The following CDK12 variants were observed in gnomAD, a reference collection of about 807,000 sequenced individuals.
CDK12 encodes the protein cyclin dependent kinase 12, also known as cyclin-dependent kinase 12.
Under a neutral mutation model 133.8 loss-of-function variants are expected in CDK12, and 17 were observed. That is an observed-to-expected ratio of 0.13 (90% CI 0.09 to 0.19). The LOEUF (loss-of-function observed/expected upper bound fraction) is 0.19, where lower values mean the gene tolerates loss of function less well. Among genes scored for constraint, CDK12 ranks in the 10% least tolerant of loss-of-function variants. The pLI is 1.00. For missense variants in CDK12, 1,508 were observed against 1,818.7 expected, an observed-to-expected ratio of 0.83 and a Z score of 3.11; for synonymous variants, 694 against 683.6, an observed-to-expected ratio of 1.02 and a Z score of -0.24.
chr17:39,564,630 T>A (rs1310337139), intron 3 of CDK12: 1 of 152,230 alleles, frequency 6.6e-6, no homozygotes, highest in Non-Finnish European at 1.5e-5. Context: ...ACCTGTTGCT[T>A]AGCAACCACT....
chr17:39,478,800 G>A (rs2050409956), intron 2 of CDK12, among the ~76,000 whole-genome samples: 1 of 152,068 alleles, frequency 6.6e-6, no homozygotes, highest in South Asian at 2.1e-4. Flanking sequence ...ACTCTAGCCT[G>A]GATAACAGTG....
intron 2 of CDK12, among the ~76,000 whole-genome samples, chr17:39,554,603 G>A (rs1033692446): frequency 2.0e-5 from 3 of 152,128 alleles, no homozygotes; most frequent in Non-Finnish European, 4.4e-5. Flanking sequence ...TAGGATAGCC[G>A]GGCACGGCAA....
At chr17:39,522,704 G>A (rs1039725896) in intron 11 of CDK12, among the ~76,000 whole-genome samples, 1 of 152,104 alleles carries the variant, frequency 6.6e-6, no homozygotes, top group African/African-American at 2.4e-5. Context: ...AAAGTGCTGT[G>A]ATTATAGGCG....
At position 39,482,599 on chromosome 17, in the gene CDK12, A is replaced by ATT. The variant is rs71147345; in HGVS notation, c.1932-7938_1932-7937dup. On this transcript the variant is annotated intron_variant, in intron 2 of 13. Transcript: ENST00000447079. ...GCTGCCAAAGTGAACAATCAACTAC[A>ATT]TTTTTTTTTTTTTTTTTTTTTGAGG... Among the ~76,000 whole-genome samples the ATT allele has an allele frequency of 2.7e-4, 20 of 74,416 alleles. 1 individual carries two copies. Among genetic ancestry groups the ATT allele is most frequent in the East Asian group, 1.5e-3 (3 of 2,018 alleles). The allele number at this position is 74,416 out of a possible 152,430, so 48.8% of individuals were successfully genotyped here.
At chr17:39,515,676 C>T in intron 8 of CDK12, 55 bp from the exon 9 acceptor site, 1 of 1,246,220 alleles carries the variant, frequency 8.0e-7, no homozygotes, top group Non-Finnish European at 1.2e-6. Context: ...TTTTGAGACA[C>T]TTTAAATAGG....
chr17:39,508,469 A>G (rs1001269082), intron 6 of CDK12, among the ~76,000 whole-genome samples: 4 of 152,182 alleles, frequency 2.6e-5, no homozygotes, highest in African/African-American at 4.8e-5. Flanking sequence ...CAATAAATAA[A>G]TAGTTTTAAA....
At chr17:39,535,595 T>A (rs2055097238), downstream of CDK12, among the ~76,000 whole-genome samples, 1 of 152,190 alleles carries the variant, frequency 6.6e-6, no homozygotes, top group Admixed American at 6.5e-5. Flanking sequence ...GTCTTTTCAA[T>A]TCTGGGCCTA....
At chr17:39,469,089 G>A (rs1416936590) in intron 1 of CDK12, among the ~76,000 whole-genome samples, 1 of 152,168 alleles carries the variant, frequency 6.6e-6, no homozygotes, top group Non-Finnish European at 1.5e-5. Context: ...GCCTCCCGAA[G>A]TGCTGGGATT....
At chr17:39,529,927 A>C (rs2054724692) in intron 13 of CDK12, 1 of 152,194 alleles carries the variant, frequency 6.6e-6, no homozygotes, top group South Asian at 2.1e-4. Context: ...ATTATGATAG[A>C]AATTAGTCTT....
rs1463424169 is a variant in CDK12, at chr17:39,533,453, A to G, written c.*2137A>G. 4.3e-6 allele frequency: 1 copy of G among 233,104 alleles called. No homozygotes were observed. The highest frequency in any genetic ancestry group is 8.5e-6 in the Non-Finnish European group (1 of 117,948). The allele number at this position is 233,104 out of a possible 1,614,324, so 14.4% of individuals were successfully genotyped here. On this transcript the variant is annotated 3_prime_UTR_variant, in exon 14 of 14. Coordinates refer to ENST00000447079, the MANE Select transcript of CDK12 (RefSeq NM_016507.4). ...GGCCCCACTCCCTGTTTTTTATTAA[A>G]GAACGTGAGCCTGGGATACTTTCAG...
chr17:39,518,142 C>A (rs554359508), intron 10 of CDK12, among the ~76,000 whole-genome samples: 1 of 152,042 alleles, frequency 6.6e-6, no homozygotes, highest in Non-Finnish European at 1.5e-5. Context: ...CTGCACCCAG[C>A]TAATTTTTGT....
rs71147345 is a variant in CDK12 at position 39,482,599 on chromosome 17, A to ATTTTTT, written c.1932-7942_1932-7937dup. The stretch of plus-strand genomic sequence containing the variant: ...GCTGCCAAAGTGAACAATCAACTAC[A>ATTTTTT]TTTTTTTTTTTTTTTTTTTTTGAGG... On this transcript the variant is annotated intron_variant, in intron 2 of 13. Transcript: ENST00000447079. Among the ~76,000 whole-genome samples, 13 of 74,422 alleles carry ATTTTTT rather than the reference A, an allele frequency of 1.7e-4. 2 individuals are homozygous for ATTTTTT. The highest frequency in any genetic ancestry group is 2.1e-4 in the African/African-American group (5 of 23,486). The allele number at this position is 74,422 out of a possible 152,430, so 48.8% of individuals were successfully genotyped here. A position where few individuals can be genotyped will look rare whatever the true frequency, so the allele number is the denominator to read the frequency against.
upstream of CDK12, chr17:39,546,326 C>T (rs1326196526): frequency 1.3e-5 from 2 of 149,902 alleles, no homozygotes; most frequent in African/African-American, 2.5e-5. Context: ...ATTACAGGCG[C>T]CCCCCCACCA....
Position 39,467,296 on chromosome 17 carries a change from G to A in CDK12, c.1047-3583G>A, listed in dbSNP as rs191271017. ...CCGGCGAAACAACCTAATTTTAAAA[G>A]ACTGAAAATGCTTTGGCAGAAATGC... On this transcript the variant is annotated intron_variant, in intron 1 of 13. Coordinates refer to ENST00000447079, the MANE Select transcript of CDK12 (RefSeq NM_016507.4). Among the ~76,000 whole-genome samples, 364 of 152,206 alleles carry A rather than the reference G, an allele frequency of 2.4e-3. 8 individuals are homozygous for A. The highest frequency in any genetic ancestry group is 4.7e-4 in the Non-Finnish European group (32 of 68,014).
chr17:39,486,712 T>A (rs1567714972), intron 2 of CDK12, among the ~76,000 whole-genome samples: 1 of 152,002 alleles, frequency 6.6e-6, no homozygotes, highest in African/African-American at 2.4e-5. Flanking sequence ...TAGAATAATT[T>A]AAAAAATCTA....
At chr17:39,505,144 A>G (rs183122819) in intron 6 of CDK12, among the ~76,000 whole-genome samples, 6 of 150,074 alleles carry the variant, frequency 4.0e-5, no homozygotes, top group African/African-American at 1.5e-4. Context: ...CAGCGGAATC[A>G]CTTGAACCCA....
chr17:39,471,695 C>G lies in CDK12; in HGVS notation c.1863C>G (p.His621Gln). Residue 621 changes from histidine to glutamine, a missense_variant, in exon 2 of 14, where the codon CAC becomes CAG. Coordinates refer to ENST00000447079, the MANE Select transcript of CDK12 (RefSeq NM_016507.4). ...TQVSVTAAIPHLKTSTLPPLP... is the reference protein window; with the variant it reads ...TQVSVTAAIPQLKTSTLPPLP... ...TATCTGTAACAGCTGCTATTCCACA[C>G]CTGAAAACTTCAACGTTGCCTCCTT... The G allele has an allele frequency of 6.2e-7, 1 of 1,614,104 alleles. No individual in the cohort carries two copies. Among genetic ancestry groups the G allele is most frequent in the Non-Finnish European group, 8.5e-7 (1 of 1,179,980 alleles).
Position 39,531,022 on chromosome 17 carries a change from G to T in CDK12, c.4179G>T (p.Gly1393=). ...AGTCCAGCAGTTACCAGGGCACAGG[G>T]TCAGTGCAGTTTCCAGGGGACCAGG... The part of the protein sequence containing the change: ...LGESSSYQGT[G]SVQFPGDQDL... The change falls in exon 14 of 14, where the codon GGG becomes GGT. Residue 1393 remains glycine (G), a synonymous_variant. Coordinates refer to ENST00000447079, the MANE Select transcript of CDK12 (RefSeq NM_016507.4). 1 of 1,614,118 alleles carries T rather than the reference G, an allele frequency of 6.2e-7. No homozygotes were observed. Among genetic ancestry groups the T allele is most frequent in the Non-Finnish European group, 8.5e-7 (1 of 1,179,956 alleles).
chr17:39,547,042 CA>C (rs2055743288), upstream of CDK12, among the ~76,000 whole-genome samples: 1 of 151,556 alleles, frequency 6.6e-6, no homozygotes, highest in Non-Finnish European at 1.5e-5. Flanking sequence ...AGTCTAATGA[CA>C]GGTAGCCTTT....
Sources: allele counts gnomAD v4.1 joint callset (sites outside exome capture counted in the v4.1 genomes callset), GRCh38; gene constraint gnomAD v4.1.1; transcripts MANE v1.5; gene names NCBI Gene and HGNC (gene_info 2026-07-23, HGNC 2026-07-21).